ADD1: variants seen among roughly 807,000 people sequenced by gnomAD.
ADD1 encodes adducin 1.
Under a neutral mutation model 80.5 loss-of-function variants are expected in ADD1, and 24 were observed. That is an observed-to-expected ratio of 0.30 (90% CI 0.22 to 0.42). The LOEUF (loss-of-function observed/expected upper bound fraction) is 0.42, where lower values mean the gene tolerates loss of function less well. ADD1 is among the 10% of genes least tolerant of loss of function. The pLI is 1.00. For missense variants in ADD1, 948 were observed against 1,019.0 expected, an observed-to-expected ratio of 0.93 and a Z score of 0.95; for synonymous variants, 373 against 393.8, an observed-to-expected ratio of 0.95 and a Z score of 0.63.
At chr4:2,913,916 G>A (rs914574497) in intron 13 of ADD1, among the ~76,000 whole-genome samples, 1 of 152,052 alleles carries the variant, frequency 6.6e-6, no homozygotes, top group African/African-American at 2.4e-5. Context: ...CAGGGTAGCC[G>A]GGCGTGGTGG....
At chr4:2,858,192 A>C (rs956984208) in intron 1 of ADD1, among the ~76,000 whole-genome samples, 1 of 152,230 alleles carries the variant, frequency 6.6e-6, no homozygotes, top group South Asian at 2.1e-4. Context: ...TGTCCATTAC[A>C]GAATGTTCTT....
chr4:2,904,748 T>A lies in ADD1; in HGVS notation c.1162-16T>A. ...ATCTGGAATATTGACTGTCTTTCAC[T>A]CTCCTTGGACCCTAGGGCTACAGAA... On this transcript the variant is annotated splice_polypyrimidine_tract_variant and intron_variant, in intron 9 of 15. Transcript: ENST00000683351. The A allele has an allele frequency of 6.3e-7, 1 of 1,598,994 alleles. No homozygotes were observed. The highest frequency in any genetic ancestry group is 8.6e-7 in the Non-Finnish European group (1 of 1,167,386).
At chr4:2,904,488 TTATGAAGACACTAGAC>T (rs1577656350) in intron 9 of ADD1, among the ~76,000 whole-genome samples, 1 of 152,236 alleles carries the variant, frequency 6.6e-6, no homozygotes, top group Non-Finnish European at 1.5e-5. Context: ...ATAAGCCTTC[TTATGAAGACACTAGAC>T]TATCCATCTC....
At chr4:2,851,509 C>T (rs1727066827) in intron 1 of ADD1, among the ~76,000 whole-genome samples, 1 of 152,166 alleles carries the variant, frequency 6.6e-6, no homozygotes, top group Non-Finnish European at 1.5e-5. Flanking sequence ...CTGTCTCTCC[C>T]TCTCTCTCAA....
At chr4:2,905,811 C>A (rs1000305848) in intron 10 of ADD1, 1 of 152,662 alleles carries the variant, frequency 6.6e-6, no homozygotes, top group Non-Finnish European at 1.5e-5. Context: ...GCGTTAATGC[C>A]GCTCAAGTTA....
chr4:2,865,960 A>G (rs917649013), intron 1 of ADD1, among the ~76,000 whole-genome samples: 1 of 152,184 alleles, frequency 6.6e-6, no homozygotes, highest in African/African-American at 2.4e-5. Context: ...TGTGGCTCAG[A>G]ATATGTGAAT....
intron 11 of ADD1, 126 bp from the exon 12 acceptor site, chr4:2,908,389 G>A (rs555002240): frequency 1.4e-5 from 11 of 779,398 alleles, no homozygotes; most frequent in South Asian, 4.9e-5. Flanking sequence ...TCCTGCCTGC[G>A]TGGGGCAGTG....
chr4:2,891,514 C>T lies in ADD1; in HGVS notation c.511-2499C>T, dbSNP rs149284265. 1.9e-4 allele frequency among the ~76,000 whole-genome samples: 29 copies of T among 152,204 alleles called. No individual in the cohort carries two copies. In the East Asian group the frequency reaches 5.2e-3, roughly 27 times the overall value. On this transcript the variant is annotated intron_variant, in intron 4 of 15. Transcript: ENST00000683351. ...AGAAAGCAAGGCTGACTCAGCATTG[C>T]AAAGAAGTGGGTCATAGGGATTTAT...
intron 1 of ADD1, among the ~76,000 whole-genome samples, chr4:2,852,240 T>C (rs866694599): frequency 4.8e-5 from 6 of 125,866 alleles, no homozygotes; most frequent in Middle Eastern, 3.8e-3. Context: ...CCTTTCTTTC[T>C]TTCTTTCTCT....
chr4:2,860,495 T>G (rs1728687370), intron 1 of ADD1, among the ~76,000 whole-genome samples: 1 of 152,138 alleles, frequency 6.6e-6, no homozygotes, highest in Non-Finnish European at 1.5e-5. Flanking sequence ...AAAGCAAAGG[T>G]TTTTCTTAGT....
At position 2,926,321 on chromosome 4, in the gene ADD1, G is replaced by A. The variant is rs1164276293; in HGVS notation, c.2047+209G>A. The A allele has an allele frequency of 3.2e-5, 23 of 713,298 alleles. No individual in the cohort carries two copies. Among genetic ancestry groups the A allele is most frequent in the Non-Finnish European group, 5.3e-5 (21 of 394,496 alleles). 44.2% of individuals were successfully genotyped at this position (713,298 alleles called of 1,614,324 possible). ...TTGTATGTGAGCTGTGACCAGGTAGGAAGGCCGGCCTCGGGGGTCGGAACC... is the reference window on the plus strand; with the variant it reads ...TTGTATGTGAGCTGTGACCAGGTAGAAAGGCCGGCCTCGGGGGTCGGAACC... On this transcript the variant is annotated intron_variant, in intron 15 of 15. Transcript: ENST00000683351. The surrounding 1 kb of genome is among the most constrained non-coding windows in gnomAD (Gnocchi z 5.0).
At chr4:2,914,214 T>G (rs1448041480) in intron 13 of ADD1, among the ~76,000 whole-genome samples, 1 of 152,246 alleles carries the variant, frequency 6.6e-6, no homozygotes, top group Non-Finnish European at 1.5e-5. Context: ...TGTGCTGGCC[T>G]GCAGGCTCCA....
At chr4:2,914,574 G>A (rs2109124281) in intron 13 of ADD1, 1 of 263,828 alleles carries the variant, frequency 3.8e-6, no homozygotes, top group South Asian at 1.2e-4. Flanking sequence ...CCACAGTGAG[G>A]AGTGGGCACC....
intron 15 of ADD1, among the ~76,000 whole-genome samples, chr4:2,927,244 C>T (rs902345798): frequency 9.8e-5 from 15 of 152,340 alleles, no homozygotes; most frequent in African/African-American, 2.9e-4. Context: ...GGGGGAGCGG[C>T]GCCTGTGTGC....
In ADD1 at chr4:2,905,013, A is replaced by G. The variant is rs1736816093; in HGVS notation, c.1411A>G (p.Lys471Glu). ...TGGAAGCAGTCCCAAGTCGAAGACT[A>G]AGGTGTGGACGAACATTACACACGA... ...QNGSSPKSKT[K>E]VWTNITHDHV... Residue 471 changes from lysine (K) to glutamate (E), a missense_variant, in exon 10 of 16, where the codon AAG becomes GAG. Coordinates refer to ENST00000683351, the MANE Select transcript of ADD1 (RefSeq NM_001354761.2). 1 of 1,614,102 alleles carries G rather than the reference A, an allele frequency of 6.2e-7. No individual in the cohort carries two copies. Among genetic ancestry groups the G allele is most frequent in the Non-Finnish European group, 8.5e-7 (1 of 1,180,044 alleles).
intron 4 of ADD1, among the ~76,000 whole-genome samples, chr4:2,887,341 A>G (rs2108965700): frequency 6.6e-6 from 1 of 152,088 alleles, no homozygotes; most frequent in East Asian, 1.9e-4. Context: ...AGGGGGTCAT[A>G]GGGATTTTCT....
intron 14 of ADD1, among the ~76,000 whole-genome samples, chr4:2,922,584 G>C (rs191637709): frequency 6.6e-6 from 1 of 152,230 alleles, no homozygotes; most frequent in Non-Finnish European, 1.5e-5. Context: ...GACCCCTGCC[G>C]GGAGGTGTCT....
intron 4 of ADD1, among the ~76,000 whole-genome samples, chr4:2,888,494 C>T (rs1470203027): frequency 6.6e-6 from 1 of 151,618 alleles, no homozygotes; most frequent in Non-Finnish European, 1.5e-5. Context: ...TCGGCTCACT[C>T]AACCTCTACC....
chr4:2,868,560 A>G (rs1729917756), intron 1 of ADD1, among the ~76,000 whole-genome samples: 2 of 152,190 alleles, frequency 1.3e-5, no homozygotes, highest in Admixed American at 6.5e-5. Context: ...CCTTTGTCCC[A>G]GGGAAGTTAG....
Sources: gnomAD v4.1 joint callset for allele counts (sites outside exome capture counted in the v4.1 genomes callset) on GRCh38, gnomAD v4.1.1 for gene constraint, Gnocchi (gnomAD v3.1) non-coding constraint, MANE v1.5 for transcripts, NCBI Gene and HGNC (gene_info 2026-07-23, HGNC 2026-07-21) for gene names.